The following ERC2 variants were observed in gnomAD, a reference collection of about 807,000 sequenced individuals.
ERC2 encodes the protein ERC protein 2.
In ERC2, 42 loss-of-function variants were observed where a neutral mutation model predicts 114.8. That is an observed-to-expected ratio of 0.37 (90% CI 0.29 to 0.47). The LOEUF is 0.47. Ranked by LOEUF, ERC2 falls within the 20% of genes least tolerant of loss-of-function variation. ERC2 has a pLI of 0.99. For missense variants in ERC2, 939 were observed against 1,150.7 expected (o/e 0.82, Z 2.66); for synonymous variants, 454 against 425.5 (o/e 1.07, Z -0.82).
intron 3 of ERC2, among the ~76,000 whole-genome samples, chr3:56,239,245 G>C (rs2051160759): frequency 6.6e-6 from 1 of 152,204 alleles, no homozygotes; most frequent in South Asian, 2.1e-4. Flanking sequence ...AGCCAGGCAT[G>C]GTGGCTCATG....
chr3:56,230,714 G>C (rs1388365933), intron 3 of ERC2, among the ~76,000 whole-genome samples: 2 of 152,152 alleles, frequency 1.3e-5, no homozygotes, highest in African/African-American at 4.8e-5. Context: ...TTAATAGCTA[G>C]AGCTAAATGA....
At chr3:56,337,427 G>A (rs540207254) in intron 2 of ERC2, among the ~76,000 whole-genome samples, 8 of 152,186 alleles carry the variant, frequency 5.3e-5, no homozygotes, top group South Asian at 2.1e-4. Context: ...GTATGTAACC[G>A]TAAGTACTCA....
rs1304831622 is a variant in ERC2 at position 55,891,133 on chromosome 3, A to G, written c.2404-2584T>C. ...TTACAGGCACATGGTAGGACCCCACATCCCCTCACCCTTTGAATTGGGTGT... is the reference window on the plus strand; with the variant it reads ...TTACAGGCACATGGTAGGACCCCACGTCCCCTCACCCTTTGAATTGGGTGT... On this transcript the variant is annotated intron_variant, in intron 13 of 17. Transcript: ENST00000288221. 2.0e-5 allele frequency among the ~76,000 whole-genome samples: 3 copies of G among 152,166 alleles called. No homozygotes were observed. The East Asian group carries it at 5.8e-4, about 29-fold the overall frequency.
intron 2 of ERC2, among the ~76,000 whole-genome samples, chr3:56,380,866 T>TA (rs1477397540): frequency 1.3e-5 from 2 of 152,218 alleles, no homozygotes; most frequent in Non-Finnish European, 2.9e-5. Context: ...ATCTGCCTGT[T>TA]AAACAATTCA....
At chr3:56,410,420 ATAAC>A (rs1223041023) in intron 2 of ERC2, among the ~76,000 whole-genome samples, 1 of 152,276 alleles carries the variant, frequency 6.6e-6, no homozygotes, top group Non-Finnish European at 1.5e-5. Flanking sequence ...TCCTGTAATA[ATAAC>A]TAACATTTAC....
intron 3 of ERC2, among the ~76,000 whole-genome samples, chr3:56,274,772 G>T (rs1449236634): frequency 6.6e-6 from 1 of 152,172 alleles, no homozygotes; most frequent in African/African-American, 2.4e-5. Context: ...GATATACCAG[G>T]AAGAGAAATT....
chr3:56,070,564 G>A (rs1378034550), intron 7 of ERC2, among the ~76,000 whole-genome samples: 1 of 152,088 alleles, frequency 6.6e-6, no homozygotes. Context: ...TGCCTCCCCT[G>A]GGTGGGATCA....
chr3:55,979,359 A>AT (rs1483146088), intron 12 of ERC2, among the ~76,000 whole-genome samples: 2 of 152,246 alleles, frequency 1.3e-5, no homozygotes, highest in Admixed American at 1.3e-4. Context: ...TGAAAAAGGG[A>AT]TTTTTCCCAG....
intron 14 of ERC2, among the ~76,000 whole-genome samples, chr3:55,796,411 G>C (rs986308409): frequency 6.6e-6 from 1 of 152,064 alleles, no homozygotes; most frequent in Non-Finnish European, 1.5e-5. Flanking sequence ...GCAGTCCATG[G>C]GCCCATTGCC....
chr3:56,258,571 G>A (rs967301728), intron 3 of ERC2, among the ~76,000 whole-genome samples: 2 of 152,166 alleles, frequency 1.3e-5, no homozygotes, highest in African/African-American at 2.4e-5. Flanking sequence ...GGAGAATGGC[G>A]TGAACCCGGG....
chr3:55,832,644 C>T (rs1016011726), intron 14 of ERC2, among the ~76,000 whole-genome samples: 24 of 152,102 alleles, frequency 1.6e-4, no homozygotes, highest in African/African-American at 5.8e-4. Context: ...TAGATAAAAC[C>T]ACAAAGATGG....
intron 2 of ERC2, among the ~76,000 whole-genome samples, chr3:56,433,007 C>T (rs1311270832): frequency 6.6e-6 from 1 of 151,728 alleles, no homozygotes; most frequent in Non-Finnish European, 1.5e-5. Context: ...GACCTTGTCT[C>T]TACAAAAAAA....
intron 6 of ERC2, among the ~76,000 whole-genome samples, chr3:56,135,973 T>A (rs910396193): frequency 6.6e-5 from 10 of 152,174 alleles, no homozygotes; most frequent in African/African-American, 2.4e-4. Context: ...TTGAAGCTAT[T>A]TTAAAAAGTA....
intron 7 of ERC2, among the ~76,000 whole-genome samples, chr3:56,020,834 T>C (rs1181968553): frequency 3.3e-5 from 5 of 152,050 alleles, no homozygotes; most frequent in Non-Finnish European, 7.4e-5. Flanking sequence ...GCACGAGAAA[T>C]AGAGACCAAA....
intron 14 of ERC2, among the ~76,000 whole-genome samples, chr3:55,827,440 G>A (rs1414181572): frequency 6.6e-6 from 1 of 150,896 alleles, no homozygotes. Context: ...GGGAGGGAGG[G>A]AGGAAGAAAG....
In ERC2 at chr3:56,340,535, A is replaced by AAT. The variant is rs1199330021; in HGVS notation, c.658-44101_658-44100insAT. 4.4e-3 allele frequency among the ~76,000 whole-genome samples: 472 copies of AAT among 106,918 alleles called. 3 individuals carry two copies. The highest frequency in any genetic ancestry group is 0.016 in the African/African-American group (451 of 29,088). The allele number at this position is 106,918 out of a possible 152,430, so 70.1% of individuals were successfully genotyped here. A position where few individuals can be genotyped will look rare whatever the true frequency, so the allele number is the denominator to read the frequency against. On this transcript the variant is annotated intron_variant, in intron 2 of 17. Transcript: ENST00000288221. ...GTGTTTGTGTGTGAGAGAGAGAGAGAGAGTGAATGTGTGTGTGTGTGTGTG... is the reference window on the plus strand; with the variant it reads ...GTGTTTGTGTGTGAGAGAGAGAGAGAATGAGTGAATGTGTGTGTGTGTGTGTG...
intron 2 of ERC2, among the ~76,000 whole-genome samples, chr3:56,407,214 C>T (rs2060764179): frequency 6.6e-6 from 1 of 152,140 alleles, no homozygotes; most frequent in Non-Finnish European, 1.5e-5. Context: ...GAACACTGTC[C>T]TTTTTCCAAG....
chr3:56,110,540 T>C (rs1287489153), intron 6 of ERC2, among the ~76,000 whole-genome samples: 1 of 152,140 alleles, frequency 6.6e-6, no homozygotes, highest in Non-Finnish European at 1.5e-5. Context: ...ATATTATAAA[T>C]GCAACTATAT....
intron 2 of ERC2, among the ~76,000 whole-genome samples, chr3:56,398,903 G>A (rs1469304963): frequency 1.3e-5 from 2 of 152,146 alleles, no homozygotes; most frequent in Non-Finnish European, 2.9e-5. Flanking sequence ...ATAGGCATGA[G>A]CCACCATGCA....
Sources: gnomAD v4.1 joint callset for allele counts (sites outside exome capture counted in the v4.1 genomes callset) on GRCh38, gnomAD v4.1.1 for gene constraint, MANE v1.5 for transcripts, NCBI Gene and HGNC (gene_info 2026-07-23, HGNC 2026-07-21) for gene names.